Variants in CAB39 observed in about 807,000 individuals in gnomAD.
CAB39 encodes calcium-binding protein 39.
Under a neutral mutation model 40.0 loss-of-function variants are expected in CAB39, and 8 were observed. The ratio of observed to expected loss-of-function variants is 0.20; its 90% CI spans 0.12 to 0.36. The LOEUF (loss-of-function observed/expected upper bound fraction) is 0.36, where lower values mean the gene tolerates loss of function less well. Ranked by LOEUF, CAB39 falls within the 10% of genes least tolerant of loss-of-function variation. CAB39 has a pLI of 1.00. For missense variants in CAB39, 270 were observed against 401.1 expected (o/e 0.67, Z 2.79); for synonymous variants, 156 against 141.6 (o/e 1.10, Z -0.72).
chr2:230,792,189 A>C (rs998588908), intron 3 of CAB39, among the ~76,000 whole-genome samples: 1 of 152,202 alleles, frequency 6.6e-6, no homozygotes, highest in African/African-American at 2.4e-5. Context: ...TATTTTTAAT[A>C]ATGTATCAAA....
intron 1 of CAB39, among the ~76,000 whole-genome samples, chr2:230,744,627 T>C (rs1474758231): frequency 6.6e-6 from 1 of 152,244 alleles, no homozygotes; most frequent in African/African-American, 2.4e-5. Flanking sequence ...TCTAACTGTG[T>C]TTAGATGTTA....
chr2:230,739,397 A>G (rs1354290533), intron 1 of CAB39, among the ~76,000 whole-genome samples: 1 of 152,252 alleles, frequency 6.6e-6, no homozygotes, highest in Non-Finnish European at 1.5e-5. Context: ...TAAAGATGGC[A>G]GATCTGTATT....
At position 230,820,038 on chromosome 2, in the gene CAB39, A is replaced by G. The variant is rs1696480076; in HGVS notation, c.*1334A>G. 1 of 152,676 alleles carries G rather than the reference A, an allele frequency of 6.5e-6. No individual in the cohort carries two copies. The highest frequency in any genetic ancestry group is 2.4e-5 in the African/African-American group (1 of 41,462). 9.5% of individuals were successfully genotyped at this position (152,676 alleles called of 1,614,324 possible). A position where few individuals can be genotyped will look rare whatever the true frequency, so the allele number is the denominator to read the frequency against. ...GTCCTGTTCCTTAATGCTGCAAATTATCAGTATTTATAAAGTAACTGATTT... is the reference window on the plus strand; with the variant it reads ...GTCCTGTTCCTTAATGCTGCAAATTGTCAGTATTTATAAAGTAACTGATTT... On this transcript the variant is annotated 3_prime_UTR_variant, in exon 9 of 9. Transcript: ENST00000258418.
At chr2:230,757,879 G>A (rs1233318570) in intron 1 of CAB39, among the ~76,000 whole-genome samples, 1 of 151,782 alleles carries the variant, frequency 6.6e-6, no homozygotes, top group Admixed American at 6.6e-5. Flanking sequence ...GGAAAAGAAT[G>A]ATCCAGGCTT....
intron 1 of CAB39, among the ~76,000 whole-genome samples, chr2:230,719,311 T>C (rs1487006380): frequency 1.3e-5 from 2 of 152,194 alleles, no homozygotes; most frequent in African/African-American, 4.8e-5. Context: ...TGAGCCAGAA[T>C]TTGAACTCAG....
chr2:230,790,981 A>G lies in CAB39; in HGVS notation c.224A>G (p.Tyr75Cys). 2.5e-6 allele frequency: 4 copies of G among 1,612,992 alleles called. No individual in the cohort carries two copies. Among genetic ancestry groups the G allele is most frequent in the Non-Finnish European group, 2.5e-6 (3 of 1,179,208 alleles). Residue 75 changes from tyrosine (Y) to cysteine (C), a missense_variant, in exon 3 of 9, where the codon TAT (tyrosine) becomes TGT (cysteine). By Grantham distance (194) the Tyr-to-Cys change is radical. Transcript: ENST00000258418. Reference sequence around the variant, plus strand: ...GTAGCTCAACTTGCTCAAGAACTCTATAATAGTGGGCTCCTTAGCACCCTG... The same window carrying G: ...GTAGCTCAACTTGCTCAAGAACTCTGTAATAGTGGGCTCCTTAGCACCCTG... ...EAVAQLAQEL[Y>C]NSGLLSTLVA...
At chr2:230,798,008 G>A (rs1348907444) in intron 4 of CAB39, among the ~76,000 whole-genome samples, 1 of 152,180 alleles carries the variant, frequency 6.6e-6, no homozygotes, top group Admixed American at 6.5e-5. Flanking sequence ...CAGAGGGCTT[G>A]TGCACATCTG....
intron 1 of CAB39, among the ~76,000 whole-genome samples, chr2:230,757,623 A>G (rs1269776160): frequency 6.6e-6 from 1 of 152,226 alleles, no homozygotes; most frequent in Non-Finnish European, 1.5e-5. Flanking sequence ...ATCTTTCACC[A>G]TTGAGCCAGA....
intron 1 of CAB39, among the ~76,000 whole-genome samples, chr2:230,716,329 C>T (rs947263858): frequency 1.3e-5 from 2 of 152,096 alleles, no homozygotes; most frequent in Non-Finnish European, 2.9e-5. Flanking sequence ...CTGTTTTGAT[C>T]AACTTTTGTG....
At position 230,712,863 on chromosome 2, in the gene CAB39, G is replaced by T. The variant is rs1374476497; in HGVS notation, c.-411G>T. ...CTGCGCAGTGCGCACGTCAAAGCCG[G>T]GCTCGGGCCGCAAGCGGGGCGAGGG... is the stretch of plus-strand genomic sequence containing the variant. On this transcript the variant is annotated 5_prime_UTR_variant, in exon 1 of 9. Transcript: ENST00000258418. 1 of 152,042 alleles carries T rather than the reference G, an allele frequency of 6.6e-6. No homozygotes were observed. The highest frequency in any genetic ancestry group is 1.9e-4 in the East Asian group (1 of 5,196). The allele number at this position is 152,042 out of a possible 1,614,324, so 9.4% of individuals were successfully genotyped here.
intron 2 of CAB39, among the ~76,000 whole-genome samples, chr2:230,760,648 T>C (rs1013324578): frequency 2.0e-5 from 3 of 152,180 alleles, no homozygotes; most frequent in African/African-American, 7.2e-5. Context: ...TCCCCCACAA[T>C]CTTCCTGGGA....
At chr2:230,713,532 T>G (rs374725907) in intron 1 of CAB39, 1 of 152,384 alleles carries the variant, frequency 6.6e-6, no homozygotes. Context: ...TGGCGGCGCG[T>G]GGTGGTCCGG....
At chr2:230,744,978 G>A (rs1004578853) in intron 1 of CAB39, among the ~76,000 whole-genome samples, 1 of 152,130 alleles carries the variant, frequency 6.6e-6, no homozygotes, top group Non-Finnish European at 1.5e-5. Flanking sequence ...ATGAACCTTA[G>A]CATTACAGCA....
chr2:230,750,313 A>G (rs1008790085), intron 1 of CAB39, among the ~76,000 whole-genome samples: 2 of 152,178 alleles, frequency 1.3e-5, no homozygotes, highest in African/African-American at 4.8e-5. Context: ...AGTTAATGCC[A>G]AAGCAGGCTT....
chr2:230,787,823 G>A (rs1357158256), intron 2 of CAB39, among the ~76,000 whole-genome samples: 1 of 152,178 alleles, frequency 6.6e-6, no homozygotes, highest in African/African-American at 2.4e-5. Flanking sequence ...TAGGCAGGCT[G>A]CCCTCAAGAG....
chr2:230,772,338 A>G (rs948978795), intron 2 of CAB39, among the ~76,000 whole-genome samples: 1 of 152,214 alleles, frequency 6.6e-6, no homozygotes, highest in South Asian at 2.1e-4. Flanking sequence ...ATTGTGTAGT[A>G]AAACCATAAG....
chr2:230,756,241 C>G (rs1053682630), intron 1 of CAB39, among the ~76,000 whole-genome samples: 1 of 152,164 alleles, frequency 6.6e-6, no homozygotes, highest in African/African-American at 2.4e-5. Flanking sequence ...TTACACAAAC[C>G]TAGATAGTAT....
At chr2:230,727,249 G>A (rs922103177) in intron 1 of CAB39, among the ~76,000 whole-genome samples, 2 of 150,668 alleles carry the variant, frequency 1.3e-5, no homozygotes, top group African/African-American at 4.9e-5. Flanking sequence ...ATATAAATTG[G>A]AAGCGGGTAC....
intron 6 of CAB39, among the ~76,000 whole-genome samples, chr2:230,813,595 CTT>C (rs1405635854): frequency 2.6e-5 from 4 of 152,118 alleles, no homozygotes; most frequent in Non-Finnish European, 5.9e-5. Context: ...GAGCAGATAA[CTT>C]TTCTCTTTGT....
Sources: gnomAD v4.1 joint callset for allele counts (sites outside exome capture counted in the v4.1 genomes callset) on GRCh38, gnomAD v4.1.1 for gene constraint, MANE v1.5 for transcripts, NCBI Gene and HGNC (gene_info 2026-07-23, HGNC 2026-07-21) for gene names.